NXPH1: variants seen among roughly 807,000 people sequenced by gnomAD.
NXPH1 encodes the protein neurexophilin 1.
A neutral mutation model predicts 23.7 loss-of-function variants in NXPH1; 5 were observed. The ratio of observed to expected loss-of-function variants is 0.21; its 90% CI spans 0.11 to 0.44. The LOEUF is 0.44. Among genes scored for constraint, NXPH1 ranks in the 20% least tolerant of loss-of-function variants. The pLI is 0.99. For missense variants in NXPH1, 324 were observed against 321.6 expected (o/e 1.01, Z -0.06); for synonymous variants, 144 against 122.2 (o/e 1.18, Z -1.18).
intron 2 of NXPH1, among the ~76,000 whole-genome samples, chr7:8,540,968 GTA>G (rs1818106755): frequency 6.6e-6 from 1 of 151,738 alleles, no homozygotes; most frequent in African/African-American, 2.4e-5. Flanking sequence ...CAAAGCTTAA[GTA>G]TATTTATTGA....
intron 2 of NXPH1, among the ~76,000 whole-genome samples, chr7:8,525,054 T>G (rs1238872462): frequency 6.6e-6 from 1 of 152,124 alleles, no homozygotes; most frequent in African/African-American, 2.4e-5. Context: ...GACAGGAAAA[T>G]GTGGGAAAGT....
At position 8,531,560 on chromosome 7, in the gene NXPH1, A is replaced by G. The variant is rs543393076; in HGVS notation, c.54+95793A>G. On this transcript the variant is annotated intron_variant, in intron 2 of 2. Transcript: ENST00000405863. ...ATCTTGCCTTATTTTCCATCTCAGC[A>G]CTTACTTACTAACACCTGATGAGCA... is the stretch of plus-strand genomic sequence containing the variant. Among the ~76,000 whole-genome samples, 82 of 152,236 alleles carry G rather than the reference A, an allele frequency of 5.4e-4. 1 individual carries two copies. The highest frequency in any genetic ancestry group is 1.5e-3 in the African/African-American group (62 of 41,546).
At chr7:8,545,702 A>G (rs1445827337) in intron 2 of NXPH1, among the ~76,000 whole-genome samples, 2 of 151,546 alleles carry the variant, frequency 1.3e-5, no homozygotes, top group African/African-American at 4.8e-5. Flanking sequence ...TGATTTTCAT[A>G]ATTAAAGAAA....
chr7:8,699,187 C>A (rs981793042), intron 2 of NXPH1, among the ~76,000 whole-genome samples: 4 of 152,080 alleles, frequency 2.6e-5, no homozygotes, highest in African/African-American at 4.8e-5. Context: ...TAGGTTTTCT[C>A]ATTTTTCATT....
chr7:8,681,151 C>T (rs1821043303), intron 2 of NXPH1, among the ~76,000 whole-genome samples: 1 of 152,196 alleles, frequency 6.6e-6, no homozygotes, highest in Non-Finnish European at 1.5e-5. Flanking sequence ...TTTATGACAT[C>T]ATTAAGTGGC....
intron 2 of NXPH1, among the ~76,000 whole-genome samples, chr7:8,472,712 A>G (rs893522076): frequency 2.6e-5 from 4 of 152,170 alleles, no homozygotes; most frequent in Admixed American, 2.0e-4. Context: ...TGTTGGTTTC[A>G]AATTCTCCTT....
At chr7:8,717,374 T>C (rs1779894502) in intron 2 of NXPH1, among the ~76,000 whole-genome samples, 1 of 152,138 alleles carries the variant, frequency 6.6e-6, no homozygotes, top group African/African-American at 2.4e-5. Flanking sequence ...CTGAGATTGA[T>C]GAAAAAACTC....
chr7:8,690,922 C>T (rs928298107), intron 2 of NXPH1, among the ~76,000 whole-genome samples: 2 of 152,170 alleles, frequency 1.3e-5, no homozygotes, highest in African/African-American at 4.8e-5. Flanking sequence ...TCTTGCACTG[C>T]TCCTTTGCCA....
In NXPH1 at chr7:8,512,758, T is replaced by G. The variant is rs144457122; in HGVS notation, c.54+76991T>G. On this transcript the variant is annotated intron_variant, in intron 2 of 2. Coordinates refer to ENST00000405863, the MANE Select transcript of NXPH1 (RefSeq NM_152745.3). Reference sequence around the variant, plus strand: ...ATTTATTGTACCCATAATAAAGTGTTTTCTCCCAACTGCAAAATTCTATCT... The same window carrying G: ...ATTTATTGTACCCATAATAAAGTGTGTTCTCCCAACTGCAAAATTCTATCT... Among the ~76,000 whole-genome samples the G allele has an allele frequency of 2.4e-3, 362 of 152,224 alleles. 1 individual carries two copies. The highest frequency in any genetic ancestry group is 8.2e-3 in the African/African-American group (340 of 41,566).
chr7:8,521,586 G>A (rs1817772478), intron 2 of NXPH1, among the ~76,000 whole-genome samples: 1 of 152,146 alleles, frequency 6.6e-6, no homozygotes, highest in African/African-American at 2.4e-5. Flanking sequence ...TCTAGTTGTT[G>A]AATGATGGAG....
At chr7:8,481,881 G>A (rs1817078343) in intron 2 of NXPH1, among the ~76,000 whole-genome samples, 1 of 152,070 alleles carries the variant, frequency 6.6e-6, no homozygotes, top group Non-Finnish European at 1.5e-5. Flanking sequence ...AATGACTTCT[G>A]AGCCCTCTGG....
At chr7:8,555,511 A>G (rs1252377050) in intron 2 of NXPH1, among the ~76,000 whole-genome samples, 1 of 151,642 alleles carries the variant, frequency 6.6e-6, no homozygotes, top group Admixed American at 6.6e-5. Flanking sequence ...CACCTAAGTC[A>G]CTTTTCAGGT....
At chr7:8,683,324 T>A (rs756169592) in intron 2 of NXPH1, among the ~76,000 whole-genome samples, 2 of 152,176 alleles carry the variant, frequency 1.3e-5, no homozygotes, top group African/African-American at 2.4e-5. Context: ...GAGATGACAT[T>A]TCAATACGAG....
intron 2 of NXPH1, among the ~76,000 whole-genome samples, chr7:8,548,341 C>T (rs900249092): frequency 5.3e-5 from 8 of 151,466 alleles, no homozygotes; most frequent in Non-Finnish European, 8.9e-5. Context: ...ATCTGCATGG[C>T]GACATTTTTT....
chr7:8,727,464 G>GT (rs1780076226), intron 2 of NXPH1, among the ~76,000 whole-genome samples: 1 of 146,488 alleles, frequency 6.8e-6, no homozygotes, highest in Non-Finnish European at 1.5e-5. Flanking sequence ...GGTTTTTATG[G>GT]TTTTAGGTCT....
intron 2 of NXPH1, among the ~76,000 whole-genome samples, chr7:8,680,677 TAG>T (rs1350811335): frequency 3.9e-5 from 6 of 152,236 alleles, no homozygotes; most frequent in Admixed American, 6.5e-5. Flanking sequence ...AGGAAAATTG[TAG>T]AATTATTATG....
intron 2 of NXPH1, among the ~76,000 whole-genome samples, chr7:8,624,396 T>C (rs989480601): frequency 1.3e-5 from 2 of 152,132 alleles, no homozygotes; most frequent in Non-Finnish European, 2.9e-5. Context: ...GCCAATTCCA[T>C]AGTCAGACAC....
At chr7:8,563,957 C>T (rs992477125) in intron 2 of NXPH1, among the ~76,000 whole-genome samples, 7 of 151,808 alleles carry the variant, frequency 4.6e-5, no homozygotes, top group African/African-American at 1.7e-4. Flanking sequence ...TAGCCAATGC[C>T]AGAACTCTTC....
intron 2 of NXPH1, among the ~76,000 whole-genome samples, chr7:8,488,084 T>A (rs1218969440): frequency 6.6e-6 from 1 of 152,162 alleles, no homozygotes; most frequent in Admixed American, 6.6e-5. Context: ...CATTATTTTG[T>A]CTTCCATAGT....
Sources: gnomAD v4.1 joint callset for allele counts (sites outside exome capture counted in the v4.1 genomes callset) on GRCh38, gnomAD v4.1.1 for gene constraint, MANE v1.5 for transcripts, NCBI Gene and HGNC (gene_info 2026-07-23, HGNC 2026-07-21) for gene names.